TRIO: variants seen among roughly 807,000 people sequenced by gnomAD.
TRIO encodes the protein trio Rho guanine nucleotide exchange factor.
TRIO carries 58 observed loss-of-function variants against 351.9 expected under a neutral mutation model. The ratio of observed to expected loss-of-function variants is 0.16; its 90% CI spans 0.13 to 0.21. The LOEUF is 0.21. TRIO is among the 10% of genes least tolerant of loss of function. The probability of loss-of-function intolerance (pLI) is 1.00; values close to 1 mark genes in which losing one functional copy is unlikely to be tolerated. For synonymous variants in TRIO, 1,758 were observed against 1,595.7 expected, an observed-to-expected ratio of 1.10 and a Z score of -2.42; for missense variants, 3,201 against 4,027.8, an observed-to-expected ratio of 0.79 and a Z score of 5.56.
chr5:14,210,162 G>C (rs1173927872), intron 1 of TRIO, among the ~76,000 whole-genome samples: 3 of 152,222 alleles, frequency 2.0e-5, no homozygotes, highest in African/African-American at 7.2e-5. Context: ...AGTTTTGAAG[G>C]AATACAAGTA....
intron 33 of TRIO, among the ~76,000 whole-genome samples, chr5:14,411,113 G>A (rs1336511525): frequency 1.3e-5 from 2 of 152,116 alleles, no homozygotes; most frequent in Non-Finnish European, 2.9e-5. Context: ...GGAGATCCAG[G>A]CCCTCTGCAA....
intron 40 of TRIO, among the ~76,000 whole-genome samples, chr5:14,475,547 C>A (rs1250339921): frequency 6.6e-6 from 1 of 152,174 alleles, no homozygotes; most frequent in Non-Finnish European, 1.5e-5. Context: ...ACCTTTGAAC[C>A]CAGGTCAGAG....
At chr5:14,198,188 TA>T (rs1404712160) in intron 1 of TRIO, among the ~76,000 whole-genome samples, 1 of 152,234 alleles carries the variant, frequency 6.6e-6, no homozygotes, top group African/African-American at 2.4e-5. Context: ...TAGCCATAAA[TA>T]TAAATGATTT....
chr5:14,508,125 G>A lies in TRIO; in HGVS notation c.8997G>A (p.Glu2999=), dbSNP rs1220382961. ...CCTTCCTGGATGACAGTGTGGAAGA[G>A]ACCTGCCTGAACATTTGCCGCTTAG... ...VSPFLDDSVE[E]TCLNICRLDF... is the part of the protein sequence containing the mutation. The change falls in exon 57 of 57, where the codon GAG becomes GAA. Residue 2999 remains glutamate, a synonymous_variant. Transcript: ENST00000344204. The A allele has an allele frequency of 6.2e-7, 1 of 1,614,206 alleles. No individual in the cohort carries two copies. Among genetic ancestry groups the A allele is most frequent in the South Asian group, 1.1e-5 (1 of 91,082 alleles).
chr5:14,352,159 T>G (rs1354938016), intron 11 of TRIO, among the ~76,000 whole-genome samples: 1 of 152,194 alleles, frequency 6.6e-6, no homozygotes, highest in African/African-American at 2.4e-5. Context: ...TGTACACACC[T>G]GCAGCCCACT....
At chr5:14,299,578 C>T (rs1413984318) in intron 7 of TRIO, among the ~76,000 whole-genome samples, 1 of 152,180 alleles carries the variant, frequency 6.6e-6, no homozygotes, top group Non-Finnish European at 1.5e-5. Context: ...TTCTGATGCT[C>T]CTCACTAAAG....
chr5:14,309,210 T>C (rs368511747), intron 8 of TRIO, among the ~76,000 whole-genome samples: 3 of 152,348 alleles, frequency 2.0e-5, no homozygotes, highest in East Asian at 1.9e-4. Flanking sequence ...CAGGGTTCTT[T>C]CCATCCTTTC....
chr5:14,502,573 T>C lies in TRIO; in HGVS notation c.8333-6T>C, dbSNP rs756661584. 1.9e-6 allele frequency: 3 copies of C among 1,614,120 alleles called. No individual in the cohort carries two copies. The South Asian group carries it at 3.3e-5, about 18-fold the overall frequency. On this transcript the variant is annotated splice_polypyrimidine_tract_variant and splice_region_variant and intron_variant, in intron 53 of 56. Transcript: ENST00000344204. ...CAAGCTCAGGCAGGTGCTGTTCTTC[T>C]TGCAGGTCCAGGGATGGATGGGATC...
intron 34 of TRIO, among the ~76,000 whole-genome samples, chr5:14,439,170 C>T (rs183334528): frequency 1.2e-4 from 19 of 152,336 alleles, no homozygotes; most frequent in Admixed American, 7.8e-4. Flanking sequence ...CATGTGCCGT[C>T]ATGCCTAGCT....
intron 53 of TRIO, among the ~76,000 whole-genome samples, chr5:14,500,752 G>T (rs541781278): frequency 6.6e-6 from 1 of 152,208 alleles, no homozygotes; most frequent in East Asian, 1.9e-4. Context: ...GCTGGGTGTG[G>T]TGGTGTGCGC....
intron 34 of TRIO, among the ~76,000 whole-genome samples, chr5:14,446,099 T>A (rs528747951): frequency 6.6e-6 from 1 of 152,298 alleles, no homozygotes; most frequent in African/African-American, 2.4e-5. Context: ...TGTCTCCATC[T>A]CCGCGCTTGC....
chr5:14,476,406 A>T (rs1755076725), intron 40 of TRIO, among the ~76,000 whole-genome samples: 1 of 152,198 alleles, frequency 6.6e-6, no homozygotes, highest in African/African-American at 2.4e-5. Flanking sequence ...GTAGCTTAAC[A>T]AAAGGTTTTC....
chr5:14,440,125 T>C, intron 34 of TRIO, among the ~76,000 whole-genome samples: 1 of 152,206 alleles, frequency 6.6e-6, no homozygotes, highest in Admixed American at 6.5e-5. Flanking sequence ...TTGTTTATAC[T>C]GTCAAGTTAG....
chr5:14,249,142 G>A (rs1794603724), intron 1 of TRIO, among the ~76,000 whole-genome samples: 2 of 152,212 alleles, frequency 1.3e-5, no homozygotes, highest in South Asian at 2.1e-4. Flanking sequence ...GTAGATGCAT[G>A]GCTTCTCCTA....
At chr5:14,239,055 C>T (rs1412560855) in intron 1 of TRIO, among the ~76,000 whole-genome samples, 1 of 152,104 alleles carries the variant, frequency 6.6e-6, no homozygotes, top group South Asian at 2.1e-4. Context: ...TGACGTATAA[C>T]CTAAGATTGT....
intron 1 of TRIO, among the ~76,000 whole-genome samples, chr5:14,261,503 G>C (rs1795342953): frequency 6.6e-6 from 1 of 152,230 alleles, no homozygotes; most frequent in East Asian, 1.9e-4. Flanking sequence ...CGGATGCTCA[G>C]CTTTGAGGTG....
intron 35 of TRIO, 118 bp from the exon 36 acceptor site, chr5:14,462,637 T>A: frequency 7.2e-7 from 1 of 1,393,358 alleles, no homozygotes; most frequent in Non-Finnish European, 9.9e-7. Context: ...CGAGAATAGC[T>A]TTGTTCCTGA....
intron 34 of TRIO, among the ~76,000 whole-genome samples, chr5:14,456,576 G>C (rs962482411): frequency 6.6e-6 from 1 of 152,206 alleles, no homozygotes; most frequent in African/African-American, 2.4e-5. Context: ...GCACAGTGTG[G>C]GTGTCTGGGC....
chr5:14,419,409 C>T (rs1030173992), intron 33 of TRIO, among the ~76,000 whole-genome samples: 3 of 152,164 alleles, frequency 2.0e-5, no homozygotes, highest in Non-Finnish European at 4.4e-5. Flanking sequence ...AAGCATGGAA[C>T]GCCCAACACT....
Sources: gnomAD v4.1 joint callset for allele counts (sites outside exome capture counted in the v4.1 genomes callset) on GRCh38, gnomAD v4.1.1 for gene constraint, MANE v1.5 for transcripts, NCBI Gene and HGNC (gene_info 2026-07-23, HGNC 2026-07-21) for gene names.